Variants in MAP7 observed in about 807,000 individuals in gnomAD.
MAP7 encodes the protein microtubule associated protein 7.
MAP7 carries 52 observed loss-of-function variants against 94.8 expected under a neutral mutation model. That is an observed-to-expected ratio of 0.55 (90% CI 0.44 to 0.69). The LOEUF (loss-of-function observed/expected upper bound fraction) is 0.69. Among genes scored for constraint, MAP7 ranks in the 30% least tolerant of loss-of-function variants. MAP7 has a pLI of 0.00. For synonymous variants in MAP7, 350 were observed against 357.0 expected (o/e 0.98, Z 0.22); for missense variants, 940 against 964.6 (o/e 0.97, Z 0.34).
intron 3 of MAP7, among the ~76,000 whole-genome samples, chr6:136,406,197 T>C (rs1785545396): frequency 6.6e-6 from 1 of 152,184 alleles, no homozygotes; most frequent in Non-Finnish European, 1.5e-5. Flanking sequence ...AAAGACAGAA[T>C]TACTCTTAAT....
intron 1 of MAP7, among the ~76,000 whole-genome samples, chr6:136,478,979 C>CAAAAAAAAAAAAAAAGAAAAAAA (rs1811848707): frequency 2.2e-5 from 1 of 45,544 alleles, no homozygotes; most frequent in Admixed American, 2.2e-4. Flanking sequence ...ACAGACACAT[C>CAAAAAAAAAAAAAAAGAAAAAAA]AAAAAAAAAA....
rs1786843918 is a variant in MAP7, at chr6:136,342,931, A to G, written c.*1297T>C. On this transcript the variant is annotated 3_prime_UTR_variant, in exon 18 of 18. Coordinates refer to ENST00000354570, the MANE Select transcript of MAP7 (RefSeq NM_003980.6). ...AGACCATATGCCTGGATTAAAAAAA[A>G]TAGTCCAATAGATGAAGTCTCTCAT... 1 of 152,206 alleles carries G rather than the reference A, an allele frequency of 6.6e-6. No homozygotes were observed. 9.4% of individuals were successfully genotyped at this position (152,206 alleles called of 1,614,324 possible).
chr6:136,536,760 G>A (rs1344035479), intron 1 of MAP7, among the ~76,000 whole-genome samples: 1 of 152,176 alleles, frequency 6.6e-6, no homozygotes. Flanking sequence ...CAAAAAGAGG[G>A]AAGCAAAAAC....
At chr6:136,507,622 T>C (rs866212792) in intron 1 of MAP7, among the ~76,000 whole-genome samples, 2 of 152,190 alleles carry the variant, frequency 1.3e-5, no homozygotes, top group African/African-American at 4.8e-5. Flanking sequence ...ATAAAGCTGT[T>C]GAACTAAGAA....
At chr6:136,544,941 G>A (rs1239885257) in intron 1 of MAP7, among the ~76,000 whole-genome samples, 3 of 152,144 alleles carry the variant, frequency 2.0e-5, no homozygotes, top group Non-Finnish European at 4.4e-5. Context: ...TCTCTTTGGG[G>A]TAAAGAACAA....
rs9389386 is a variant in MAP7, at chr6:136,389,340, G to A, written c.408+14C>T. 27,408 of 1,517,602 alleles carry A rather than the reference G, an allele frequency of 0.018. 874 individuals carry two copies. The highest frequency in any genetic ancestry group is 0.12 in the African/African-American group (8,721 of 70,666). The allele number at this position is 1,517,602 out of a possible 1,614,324, so 94.0% of individuals were successfully genotyped here. A position where few individuals can be genotyped will look rare whatever the true frequency, so the allele number is the denominator to read the frequency against. ...TAGAGGAGCCACTCATATTCTTCCC[G>A]GGGGGCGGCTCACTTTGTCCTCCTC... On this transcript the variant is annotated intron_variant, in intron 4 of 17. Transcript: ENST00000354570.
At chr6:136,458,118 T>C (rs1803962287) in intron 1 of MAP7, among the ~76,000 whole-genome samples, 1 of 152,164 alleles carries the variant, frequency 6.6e-6, no homozygotes, top group Non-Finnish European at 1.5e-5. Context: ...CAAAAACCAG[T>C]TGCATTTCTA....
At chr6:136,544,085 C>G (rs1279026185) in intron 1 of MAP7, among the ~76,000 whole-genome samples, 1 of 151,960 alleles carries the variant, frequency 6.6e-6, no homozygotes, top group Non-Finnish European at 1.5e-5. Context: ...CGACACCTGG[C>G]TAATTTTTGT....
At chr6:136,358,118 A>G (rs1408298755) in intron 15 of MAP7, among the ~76,000 whole-genome samples, 1 of 152,224 alleles carries the variant, frequency 6.6e-6, no homozygotes, top group Non-Finnish European at 1.5e-5. Context: ...ACTCAAATCA[A>G]ATTTACATGA....
At chr6:136,466,272 T>C (rs1387298477) in intron 1 of MAP7, among the ~76,000 whole-genome samples, 1 of 152,134 alleles carries the variant, frequency 6.6e-6, no homozygotes, top group East Asian at 1.9e-4. Flanking sequence ...CCTCTCTAAA[T>C]AGAAAAGCAA....
At chr6:136,514,009 C>T (rs1286126467) in intron 1 of MAP7, among the ~76,000 whole-genome samples, 1 of 152,184 alleles carries the variant, frequency 6.6e-6, no homozygotes, top group Non-Finnish European at 1.5e-5. Flanking sequence ...GTCTCTTCTT[C>T]AGCCTCTTGA....
At chr6:136,465,720 T>C (rs1806796813) in intron 1 of MAP7, among the ~76,000 whole-genome samples, 1 of 152,156 alleles carries the variant, frequency 6.6e-6, no homozygotes. Flanking sequence ...ACCCCAAAGA[T>C]ATTTCTAATA....
At chr6:136,431,645 G>A (rs1477687680) in intron 1 of MAP7, among the ~76,000 whole-genome samples, 1 of 152,132 alleles carries the variant, frequency 6.6e-6, no homozygotes. Flanking sequence ...AGCCTCCCGA[G>A]TAGCTGGGAC....
chr6:136,444,526 C>A (rs948115011), intron 1 of MAP7, among the ~76,000 whole-genome samples: 9 of 152,206 alleles, frequency 5.9e-5, no homozygotes, highest in Non-Finnish European at 1.0e-4. Flanking sequence ...TTGATGGGAA[C>A]TGACCATGGA....
intron 6 of MAP7, among the ~76,000 whole-genome samples, chr6:136,379,531 T>G (rs148757149): frequency 1.3e-5 from 2 of 152,292 alleles, no homozygotes; most frequent in East Asian, 1.9e-4. Context: ...AATCTAAAAT[T>G]AGAATACATG....
At chr6:136,454,272 G>GATCTATCTATCT (rs57308742) in intron 1 of MAP7, among the ~76,000 whole-genome samples, 8,938 of 141,394 alleles carry the variant, frequency 0.063, 315 homozygotes, top group South Asian at 0.075. Flanking sequence ...CTACCTAAAT[G>GATCTATCTATCT]ATCTATCTAT....
At chr6:136,536,889 A>G (rs1828929696) in intron 1 of MAP7, among the ~76,000 whole-genome samples, 1 of 152,232 alleles carries the variant, frequency 6.6e-6, no homozygotes, top group Non-Finnish European at 1.5e-5. Context: ...TGCACATTGT[A>G]CAAGTGGTTC....
chr6:136,402,723 G>A (rs540478743), intron 3 of MAP7, among the ~76,000 whole-genome samples: 71 of 152,062 alleles, frequency 4.7e-4, no homozygotes, highest in African/African-American at 1.6e-3. Flanking sequence ...TGGCTAACAC[G>A]GTGAAACCCC....
chr6:136,415,936 T>A (rs185421299), intron 2 of MAP7, among the ~76,000 whole-genome samples: 120 of 152,330 alleles, frequency 7.9e-4, no homozygotes, highest in Admixed American at 2.1e-3. Flanking sequence ...TTTGCTTGAT[T>A]TGGAAACCTG....
Sources: allele counts gnomAD v4.1 joint callset (sites outside exome capture counted in the v4.1 genomes callset), GRCh38; gene constraint gnomAD v4.1.1; transcripts MANE v1.5; gene names NCBI Gene and HGNC (gene_info 2026-07-23, HGNC 2026-07-21).